SUFU: variants seen among roughly 807,000 people sequenced by gnomAD.
SUFU encodes the protein suppressor of fused homolog.
A neutral mutation model predicts 58.9 loss-of-function variants in SUFU; 7 were observed. The ratio of observed to expected loss-of-function variants is 0.12; its 90% CI spans 0.07 to 0.22. The LOEUF (loss-of-function observed/expected upper bound fraction) is 0.22. SUFU is among the 10% of genes least tolerant of loss of function. The pLI is 1.00. For synonymous variants in SUFU, 232 were observed against 254.8 expected, an observed-to-expected ratio of 0.91 and a Z score of 0.85; for missense variants, 451 against 641.3, an observed-to-expected ratio of 0.70 and a Z score of 3.20.
At chr10:102,603,904 A>G (rs2063538325) in intron 8 of SUFU, among the ~76,000 whole-genome samples, 1 of 152,220 alleles carries the variant, frequency 6.6e-6, no homozygotes, top group African/African-American at 2.4e-5. Context: ...TGTGAGGTCC[A>G]TGAAGATTAA....
intron 3 of SUFU, chr10:102,573,101 G>A (rs550883543): frequency 2.0e-4 from 153 of 775,876 alleles, no homozygotes; most frequent in Non-Finnish European, 3.3e-4. Context: ...GGTAGGTGAC[G>A]TGCGGATCTT....
chr10:102,627,252 G>C lies in SUFU; in HGVS notation c.1365+9G>C. On this transcript the variant is annotated intron_variant, in intron 11 of 11. Coordinates refer to ENST00000369902, the MANE Select transcript of SUFU (RefSeq NM_016169.4). ...TGACTTCTCCAGAGGAAGTAAGCTT[G>C]TTTGACTTTTCCTGACAACAGGTCC... is the stretch of plus-strand genomic sequence containing the variant. 1 of 1,613,750 alleles carries C rather than the reference G, an allele frequency of 6.2e-7. No homozygotes were observed. The highest frequency in any genetic ancestry group is 8.5e-7 in the Non-Finnish European group (1 of 1,179,576).
At chr10:102,505,710 C>A (rs1272699346) in intron 1 of SUFU, among the ~76,000 whole-genome samples, 1 of 152,186 alleles carries the variant, frequency 6.6e-6, no homozygotes, top group Admixed American at 6.6e-5. Context: ...GGAACAGCCT[C>A]CTCTGTCAGA....
chr10:102,608,210 C>T (rs548142035), intron 8 of SUFU, among the ~76,000 whole-genome samples: 12 of 148,722 alleles, frequency 8.1e-5, no homozygotes, highest in Non-Finnish European at 1.2e-4. Context: ...GGCAACAGAG[C>T]GAGACTCTGT....
chr10:102,545,426 A>C (rs1273915848), intron 2 of SUFU, among the ~76,000 whole-genome samples: 2 of 150,554 alleles, frequency 1.3e-5, no homozygotes, highest in Non-Finnish European at 2.9e-5. Flanking sequence ...GAGCCACTGC[A>C]TCCAGCCAGG....
intron 3 of SUFU, among the ~76,000 whole-genome samples, chr10:102,555,313 A>C (rs1421708776): frequency 1.2e-4 from 17 of 141,768 alleles, no homozygotes; most frequent in East Asian, 4.1e-4. Flanking sequence ...CAAGATGGAC[A>C]CCTTGGTCTT....
chr10:102,599,304 T>C, intron 7 of SUFU, 129 bp from the exon 8 acceptor site: 1 of 767,508 alleles, frequency 1.3e-6, no homozygotes, highest in South Asian at 1.4e-5. Context: ...TCTGGATGCG[T>C]AGAGTGGGCT....
chr10:102,515,959 C>T (rs372734820), intron 2 of SUFU, among the ~76,000 whole-genome samples: 2 of 152,228 alleles, frequency 1.3e-5, no homozygotes, highest in South Asian at 2.1e-4. Context: ...AAGCGTGAGG[C>T]GTCCTTTGTC....
chr10:102,585,148 T>C (rs1238849231), intron 3 of SUFU, among the ~76,000 whole-genome samples: 1 of 152,226 alleles, frequency 6.6e-6, no homozygotes. Flanking sequence ...ATAACAGATT[T>C]ATTGACATAC....
At chr10:102,574,162 G>A (rs2063190332) in intron 3 of SUFU, among the ~76,000 whole-genome samples, 1 of 152,136 alleles carries the variant, frequency 6.6e-6, no homozygotes, top group South Asian at 2.1e-4. Context: ...TGGGGACCAT[G>A]GGGGCACCTT....
rs773021913 is a variant in SUFU, at chr10:102,630,155, G to A, written c.1455G>A (p.Ter485=). The A allele has an allele frequency of 3.1e-6, 5 of 1,613,976 alleles. No homozygotes were observed. The African/African-American group carries it at 4.0e-5, about 13-fold the overall frequency. The change falls in exon 12 of 12, where the codon TAG becomes TAA. Residue 485 remains the stop codon, a stop_retained_variant. Transcript: ENST00000369902. ...PDVVFDSPLH[*] ...TGGTGTTCGACAGTCCGCTACACTA[G>A]CCTGGGCTGGGCCCTGCAGTGGCCA...
chr10:102,620,049 A>G (rs1430464449), intron 10 of SUFU, among the ~76,000 whole-genome samples: 3 of 152,166 alleles, frequency 2.0e-5, no homozygotes, highest in African/African-American at 7.2e-5. Flanking sequence ...GGCCTATTGG[A>G]GGCAGAGGAG....
Position 102,599,417 on chromosome 10 carries a change from A to C in SUFU, c.911-16A>C, listed in dbSNP as rs777832144. On this transcript the variant is annotated splice_polypyrimidine_tract_variant and intron_variant, in intron 7 of 11. Coordinates refer to ENST00000369902, the MANE Select transcript of SUFU (RefSeq NM_016169.4). The stretch of plus-strand genomic sequence containing the variant: ...AGCCCACTGGGCCACTGGGCAACTT[A>C]GTGGTGTCGTTGCAGACACAGAGCA... The C allele has an allele frequency of 1.6e-5, 25 of 1,596,088 alleles. No homozygotes were observed. In the East Asian group the frequency reaches 4.9e-4, roughly 31 times the overall value.
chr10:102,570,462 C>T (rs972576490), intron 3 of SUFU, among the ~76,000 whole-genome samples: 2 of 152,074 alleles, frequency 1.3e-5, no homozygotes, highest in African/African-American at 2.4e-5. Flanking sequence ...AGGCTGGTCT[C>T]GAACTCCTGA....
At chr10:102,571,965 T>G (rs1241966336) in intron 3 of SUFU, among the ~76,000 whole-genome samples, 1 of 152,236 alleles carries the variant, frequency 6.6e-6, no homozygotes, top group Non-Finnish European at 1.5e-5. Context: ...TCAAGGCAGC[T>G]TGCTTCTTTA....
At chr10:102,601,616 C>A (rs1186701688) in intron 8 of SUFU, among the ~76,000 whole-genome samples, 2 of 152,186 alleles carry the variant, frequency 1.3e-5, no homozygotes, top group African/African-American at 4.8e-5. Flanking sequence ...GAAATGGTTT[C>A]TCCTCCTCCT....
Position 102,599,469 on chromosome 10 carries a change from T to C in SUFU, c.947T>C (p.Leu316Pro), listed in dbSNP as rs958173615. The C allele has an allele frequency of 6.2e-7, 1 of 1,614,000 alleles. No homozygotes were observed. Among genetic ancestry groups the C allele is most frequent in the African/African-American group, 1.3e-5 (1 of 74,912 alleles). ...ATCCGGGAGACCCTGAGGAGAGGACTCGAGATCAACAGCAAACCTGTCCTT... is the reference window on the plus strand; with the variant it reads ...ATCCGGGAGACCCTGAGGAGAGGACCCGAGATCAACAGCAAACCTGTCCTT... Reference protein sequence around the residue: ...EQIRETLRRGLEINSKPVLPP... With the variant: ...EQIRETLRRGPEINSKPVLPP... The change falls in exon 8 of 12, where the codon CTC becomes CCC. Residue 316 changes from leucine (L) to proline (P), a missense_variant. Transcript: ENST00000369902.
intron 3 of SUFU, among the ~76,000 whole-genome samples, chr10:102,551,781 G>A (rs1351527966): frequency 1.5e-5 from 2 of 130,198 alleles, no homozygotes; most frequent in African/African-American, 5.8e-5. Flanking sequence ...CTGGAGTGCA[G>A]TGGTGCGATC....
chr10:102,600,836 A>C (rs2063509012), intron 8 of SUFU, among the ~76,000 whole-genome samples: 1 of 152,192 alleles, frequency 6.6e-6, no homozygotes, highest in African/African-American at 2.4e-5. Flanking sequence ...AGAAGCCTCC[A>C]CCGCCACCTC....
Sources: allele counts gnomAD v4.1 joint callset (sites outside exome capture counted in the v4.1 genomes callset), GRCh38; gene constraint gnomAD v4.1.1; transcripts MANE v1.5; gene names NCBI Gene and HGNC (gene_info 2026-07-23, HGNC 2026-07-21).